Variants in PHACTR3 observed in about 807,000 individuals in gnomAD.
The protein encoded by PHACTR3 is protein phosphatase 1, regulatory subunit 123.
PHACTR3 carries 16 observed loss-of-function variants against 66.8 expected under a neutral mutation model. The ratio of observed to expected loss-of-function variants is 0.24; its 90% confidence interval spans 0.16 to 0.36. PHACTR3 has a LOEUF of 0.36. PHACTR3 is among the 10% of genes least tolerant of loss of function. The probability of loss-of-function intolerance (pLI) is 1.00; values close to 1 mark genes in which losing one functional copy is unlikely to be tolerated. For missense variants in PHACTR3, 647 were observed against 719.9 expected (o/e 0.90, Z 1.16); for synonymous variants, 323 against 292.1 (o/e 1.11, Z -1.08).
intron 4 of PHACTR3, among the ~76,000 whole-genome samples, chr20:59,757,864 C>G (rs540456414): frequency 6.6e-6 from 1 of 152,282 alleles, no homozygotes; most frequent in East Asian, 1.9e-4. Context: ...TAGCTACTCA[C>G]GAAGCTGAGG....
At chr20:59,801,686 A>G (rs1456263814) in intron 7 of PHACTR3, among the ~76,000 whole-genome samples, 1 of 152,230 alleles carries the variant, frequency 6.6e-6, no homozygotes, top group Non-Finnish European at 1.5e-5. Flanking sequence ...TATGGCAACA[A>G]TGAACAAGGT....
intron 8 of PHACTR3, among the ~76,000 whole-genome samples, chr20:59,824,578 A>G (rs548901362): frequency 6.6e-5 from 10 of 152,334 alleles, no homozygotes; most frequent in African/African-American, 9.6e-5. Flanking sequence ...TTTAGGCCCA[A>G]TGGGCATTAA....
chr20:59,656,849 T>C (rs1424388881), intron 1 of PHACTR3, among the ~76,000 whole-genome samples: 2 of 152,002 alleles, frequency 1.3e-5, no homozygotes, highest in Non-Finnish European at 2.9e-5. Context: ...TCTTAACTTA[T>C]CAGAATTCTT....
intron 1 of PHACTR3, among the ~76,000 whole-genome samples, chr20:59,634,902 C>CA (rs1389230142): frequency 2.6e-5 from 4 of 152,054 alleles, no homozygotes; most frequent in Admixed American, 2.6e-4. Flanking sequence ...TTTAAATAGC[C>CA]ACCTGTGGCT....
chr20:59,767,417 C>G (rs376370363), intron 5 of PHACTR3, 22 bp downstream of exon 5: 19 of 1,606,290 alleles, frequency 1.2e-5, no homozygotes, highest in Non-Finnish European at 1.6e-5. Flanking sequence ...TGCATCCTGC[C>G]CATTCTATTT....
chr20:59,806,557 G>C (rs535509038), intron 8 of PHACTR3, among the ~76,000 whole-genome samples: 14 of 152,354 alleles, frequency 9.2e-5, no homozygotes, highest in African/African-American at 3.1e-4. Flanking sequence ...GTCAGTGTTA[G>C]AGACAGGGGC....
At chr20:59,686,895 G>T (rs1257778347) in intron 1 of PHACTR3, among the ~76,000 whole-genome samples, 2 of 151,254 alleles carry the variant, frequency 1.3e-5, no homozygotes, top group African/African-American at 4.9e-5. Context: ...TGATTGTGAT[G>T]ATGGTGGTGG....
At chr20:59,779,874 A>G (rs1009765774) in intron 7 of PHACTR3, among the ~76,000 whole-genome samples, 3 of 152,230 alleles carry the variant, frequency 2.0e-5, no homozygotes, top group African/African-American at 7.2e-5. Flanking sequence ...CCTTGCGCTC[A>G]TTCTCCAGTC....
At chr20:59,695,678 C>T (rs2037270091) in intron 1 of PHACTR3, among the ~76,000 whole-genome samples, 1 of 151,778 alleles carries the variant, frequency 6.6e-6, no homozygotes, top group African/African-American at 2.4e-5. Context: ...CTTAGACACT[C>T]AATTTCTGTT....
chr20:59,608,500 A>G (rs1456498920), intron 1 of PHACTR3, among the ~76,000 whole-genome samples: 1 of 152,182 alleles, frequency 6.6e-6, no homozygotes, highest in Admixed American at 6.5e-5. Context: ...CTTTTCTTCC[A>G]TCTGCTCTCA....
intron 1 of PHACTR3, among the ~76,000 whole-genome samples, chr20:59,644,065 C>T (rs1367801012): frequency 1.3e-5 from 2 of 152,116 alleles, no homozygotes; most frequent in African/African-American, 4.8e-5. Flanking sequence ...GTCGGACTTG[C>T]CAATACACAC....
At position 59,762,675 on chromosome 20, in the gene PHACTR3, T is replaced by C. The variant is rs79527070; in HGVS notation, c.542-4511T>C. On this transcript the variant is annotated intron_variant, in intron 4 of 12. Coordinates refer to ENST00000371015, the MANE Select transcript of PHACTR3 (RefSeq NM_080672.5). ...GACTGTAATAGCAACAGAGGCCACA[T>C]GGCCCAAGCTGGAAATATTTTCTAC... is the stretch of plus-strand genomic sequence containing the variant. 4.7e-3 allele frequency among the ~76,000 whole-genome samples: 723 copies of C among 152,308 alleles called. 8 individuals are homozygous for C. Among genetic ancestry groups the C allele is most frequent in the African/African-American group, 0.017 (690 of 41,558 alleles).
intron 8 of PHACTR3, among the ~76,000 whole-genome samples, chr20:59,811,316 C>T (rs760973585): frequency 1.1e-4 from 16 of 152,186 alleles, no homozygotes; most frequent in Non-Finnish European, 2.2e-4. Flanking sequence ...GGCAACTGGG[C>T]AATGCACCAG....
intron 1 of PHACTR3, among the ~76,000 whole-genome samples, chr20:59,665,209 T>C (rs1039782235): frequency 1.3e-5 from 2 of 152,230 alleles, no homozygotes; most frequent in East Asian, 1.9e-4. Context: ...ATTACTAATA[T>C]AGCAGGAAAT....
At chr20:59,601,817 G>C (rs1276055184), upstream of PHACTR3, among the ~76,000 whole-genome samples, 1 of 152,202 alleles carries the variant, frequency 6.6e-6, no homozygotes, top group Admixed American at 6.5e-5. Flanking sequence ...ACAGTGCTTT[G>C]CTAAAATATA....
At chr20:59,633,975 C>T (rs2034759569) in intron 1 of PHACTR3, among the ~76,000 whole-genome samples, 1 of 152,144 alleles carries the variant, frequency 6.6e-6, no homozygotes, top group Non-Finnish European at 1.5e-5. Context: ...TCTCCCAAAC[C>T]ACTCAACTGT....
In PHACTR3 at chr20:59,786,125, A is replaced by T. The variant is rs937365283; in HGVS notation, c.1174+11635A>T. Reference sequence around the variant, plus strand: ...CTCCTCAACTGAGCCCCTCTGTGGCAGGAGGCCTGGGGCTGGGATCCTCCC... The same window carrying T: ...CTCCTCAACTGAGCCCCTCTGTGGCTGGAGGCCTGGGGCTGGGATCCTCCC... On this transcript the variant is annotated intron_variant, in intron 7 of 12. Coordinates refer to ENST00000371015, the MANE Select transcript of PHACTR3 (RefSeq NM_080672.5). Among the ~76,000 whole-genome samples, 75 of 152,332 alleles carry T rather than the reference A, an allele frequency of 4.9e-4. 1 individual carries two copies. Among genetic ancestry groups the T allele is most frequent in the African/African-American group, 1.8e-3 (73 of 41,588 alleles).
intron 4 of PHACTR3, among the ~76,000 whole-genome samples, chr20:59,763,214 T>C (rs950959731): frequency 3.3e-5 from 5 of 152,236 alleles, no homozygotes; most frequent in African/African-American, 1.2e-4. Flanking sequence ...TTGGTACATG[T>C]CCTTCCTGCC....
chr20:59,825,664 CG>C (rs1358750825), intron 8 of PHACTR3, among the ~76,000 whole-genome samples: 1 of 152,064 alleles, frequency 6.6e-6, no homozygotes, highest in Non-Finnish European at 1.5e-5. Flanking sequence ...CTGGAGGAGT[CG>C]GGGTGGGCTT....
Sources: allele counts gnomAD v4.1 joint callset (sites outside exome capture counted in the v4.1 genomes callset), GRCh38; gene constraint gnomAD v4.1.1; transcripts MANE v1.5; gene names NCBI Gene and HGNC (gene_info 2026-07-23, HGNC 2026-07-21).